The following NBPF9 variants were observed in gnomAD, a reference collection of about 807,000 sequenced individuals.
NBPF9 encodes the protein NBPF family member NBPF9.
A neutral mutation model predicts 97.8 loss-of-function variants in NBPF9; 91 were observed. That is an observed-to-expected ratio of 0.93 (90% confidence interval 0.79 to 1.11). NBPF9 has a LOEUF of 1.11. Among genes scored for constraint, NBPF9 ranks in the 50% least tolerant of loss-of-function variants. The pLI, the probability that NBPF9 is intolerant of heterozygous loss-of-function variation, is 0.00. For synonymous variants in NBPF9, 334 were observed against 359.5 expected, an observed-to-expected ratio of 0.93 and a Z score of 0.80; for missense variants, 992 against 939.5, an observed-to-expected ratio of 1.06 and a Z score of -0.73.
rs1247076476 is a variant in NBPF9, at chr1:149,082,875, G to T, written c.-194-445C>A. On this transcript the variant is annotated intron_variant, in intron 5 of 29. Transcript: ENST00000584027. ...GCTCACTGCAAGCTCTGCCTCCCAG[G>T]TTCACGCTATTCTCCTGCCTCAGAC... Among the ~76,000 whole-genome samples, 18 of 146,434 alleles carry T rather than the reference G, an allele frequency of 1.2e-4. No individual in the cohort carries two copies. The South Asian group carries it at 3.9e-3, about 32-fold the overall frequency.
chr1:149,055,595 A>T (rs61807990), exon 30 of NBPF9: 679,101 of 1,258,786 alleles, frequency 0.54, 228,944 homozygotes, highest in East Asian at 0.64. Flanking sequence ...TTCATTCAAA[A>T]CTTCACGTGC....
intron 27 of NBPF9, among the ~76,000 whole-genome samples, 197 bp from the exon 28 acceptor site, chr1:149,057,704 G>GAC (rs879952249): frequency 0.034 from 941 of 27,698 alleles, 11 homozygotes; most frequent in Middle Eastern, 0.075. Context: ...AAGACAGATA[G>GAC]ACACACACAC....
chr1:149,074,955 T>C (rs1176333588), intron 12 of NBPF9, among the ~76,000 whole-genome samples: 7 of 151,110 alleles, frequency 4.6e-5, no homozygotes, highest in African/African-American at 1.7e-4. Context: ...GTGATTACAG[T>C]CACCTGCCAC....
chr1:149,064,701 T>C (rs1195812261), intron 18 of NBPF9: 1 of 616,128 alleles, frequency 1.6e-6, no homozygotes, highest in Non-Finnish European at 2.9e-6. Flanking sequence ...GTTGGAATGT[T>C]ATCTTCCCTA....
At chr1:149,101,640 A>G (rs1264278430) in intron 2 of NBPF9, among the ~76,000 whole-genome samples, 16 of 150,850 alleles carry the variant, frequency 1.1e-4, no homozygotes, top group Middle Eastern at 3.4e-3. Context: ...TCTCAATACC[A>G]GGAAAATGCA....
Position 149,100,963 on chromosome 1 carries a change from A to C in NBPF9, c.-606+299T>G, listed in dbSNP as rs879963258. Among the ~76,000 whole-genome samples, 898 of 152,066 alleles carry C rather than the reference A, an allele frequency of 5.9e-3. 1 individual carries two copies. The highest frequency in any genetic ancestry group is 0.021 in the African/African-American group (859 of 41,488). ...AAAAAAAAAGAAATGCAAAAACTAA[A>C]ATAAAATTGCTATAAGGTTAACACA... On this transcript the variant is annotated intron_variant, in intron 3 of 29. Coordinates refer to ENST00000584027, the Ensembl canonical transcript of NBPF9.
rs369434237 is a variant in NBPF9 at position 149,074,809 on chromosome 1, C to CATT, written c.988+843_988+845dup. Among the ~76,000 whole-genome samples the CATT allele has an allele frequency of 1.2e-3, 185 of 149,670 alleles. 2 individuals carry two copies. The Middle Eastern group carries it at 0.021, about 17-fold the overall frequency. On this transcript the variant is annotated intron_variant, in intron 12 of 29. Transcript: ENST00000584027. ...TTTTATTCTTATTTTTATTTATCAT[C>CATT]ATTATTATTATTATTATTATTTTTA... is the stretch of plus-strand genomic sequence containing the variant.
intron 4 of NBPF9, among the ~76,000 whole-genome samples, chr1:149,096,175 T>C (rs71205772): frequency 4.8e-5 from 7 of 144,572 alleles, no homozygotes; most frequent in Middle Eastern, 7.3e-3. Context: ...AGTAGTAAAA[T>C]GATGAGTGGT....
intron 5 of NBPF9, among the ~76,000 whole-genome samples, chr1:149,084,426 T>A (rs1322407829): frequency 2.1e-5 from 3 of 145,826 alleles, no homozygotes; most frequent in Non-Finnish European, 4.5e-5. Context: ...TGTGTATATA[T>A]ATTATATATA....
intron 4 of NBPF9, among the ~76,000 whole-genome samples, chr1:149,095,642 G>C (rs1575878082): frequency 7.1e-6 from 1 of 141,230 alleles, no homozygotes; most frequent in South Asian, 2.2e-4. Flanking sequence ...AAAAAAAAAA[G>C]GTGAAAGATC....
chr1:149,090,654 A>G (rs1553659857), intron 5 of NBPF9, 99 bp downstream of exon 5: 1 of 588,260 alleles, frequency 1.7e-6, no homozygotes, highest in South Asian at 2.1e-5. Context: ...TCAGCTAAGC[A>G]TATGGGCTAG....
At position 149,070,811 on chromosome 1, in the gene NBPF9, T is replaced by G. The variant is rs587699363; in HGVS notation, c.1585+123A>C. Reference sequence around the variant, plus strand: ...CTGAGAAGGACAAAAAACTCCCTGATATCTGTTTAGAAACCCATCACAGTT... The same window carrying G: ...CTGAGAAGGACAAAAAACTCCCTGAGATCTGTTTAGAAACCCATCACAGTT... On this transcript the variant is annotated intron_variant, in intron 16 of 29. Transcript: ENST00000584027. 2.8e-3 allele frequency: 4,136 copies of G among 1,484,814 alleles called. 145 individuals are homozygous for G. The South Asian group carries it at 0.045, about 16-fold the overall frequency. The allele number at this position is 1,484,814 out of a possible 1,614,324, so 92.0% of individuals were successfully genotyped here.
chr1:149,097,210 T>C (rs1248672997), intron 4 of NBPF9, among the ~76,000 whole-genome samples: 2 of 149,122 alleles, frequency 1.3e-5, no homozygotes, highest in African/African-American at 4.9e-5. Flanking sequence ...AGGAAGGAAA[T>C]GAACAAATTT....
At position 149,103,334 on chromosome 1, in the gene NBPF9, G is replaced by C. The variant is rs187246257; in HGVS notation, c.-876C>G. The stretch of plus-strand genomic sequence containing the variant: ...CGCTGGGTGGACTTCGCTGTAAACC[G>C]TAACTTCCCATCCAGACGGCAGCCG... On this transcript the variant is annotated 5_prime_UTR_variant, in exon 1 of 30. The change creates a premature stop within an existing upstream ORF in the 5' untranslated region. Coordinates refer to ENST00000584027, the Ensembl canonical transcript of NBPF9. 2 of 152,014 alleles carry C rather than the reference G, an allele frequency of 1.3e-5. No individual in the cohort carries two copies. The highest frequency in any genetic ancestry group is 2.1e-4 in the South Asian group (1 of 4,812). The allele number at this position is 152,014 out of a possible 1,614,324, so 9.4% of individuals were successfully genotyped here.
chr1:149,080,750 T>A (rs1301444443), intron 7 of NBPF9, among the ~76,000 whole-genome samples: 1 of 99,394 alleles, frequency 1.0e-5, no homozygotes, highest in Non-Finnish European at 2.1e-5. Context: ...CATTAAGATT[T>A]AGATTCGTTG....
Position 149,071,147 on chromosome 1 carries a change from G to T in NBPF9, c.1380-8C>A, listed in dbSNP as rs587694711. 5 of 1,505,544 alleles carry T rather than the reference G, an allele frequency of 3.3e-6. No individual in the cohort carries two copies. In the East Asian group the frequency reaches 1.1e-4, roughly 34 times the overall value. 93.3% of individuals were successfully genotyped at this position (1,505,544 alleles called of 1,614,324 possible). A position where few individuals can be genotyped will look rare whatever the true frequency, so the allele number is the denominator to read the frequency against. On this transcript the variant is annotated splice_polypyrimidine_tract_variant and splice_region_variant and intron_variant, in intron 15 of 29. Coordinates refer to ENST00000584027, the Ensembl canonical transcript of NBPF9. Reference sequence around the variant, plus strand: ...TCAGCCTTCTGCATCTCCCTGATGAGCCAGGTGGGACAGAGATGACAGAAG... The same window carrying T: ...TCAGCCTTCTGCATCTCCCTGATGATCCAGGTGGGACAGAGATGACAGAAG...
intron 11 of NBPF9, among the ~76,000 whole-genome samples, chr1:149,076,993 C>T (rs1467810901): frequency 6.6e-6 from 1 of 150,912 alleles, no homozygotes; most frequent in Non-Finnish European, 1.5e-5. Flanking sequence ...ATGGGTTTCA[C>T]CATATTGTGT....
exon 30 of NBPF9, chr1:149,055,670 T>C (rs781878109): frequency 1.6e-5 from 26 of 1,611,826 alleles, no homozygotes; most frequent in Middle Eastern, 2.2e-4. Context: ...TGTGGGAATA[T>C]GACTTCCATC....
chr1:149,103,279 C>G (rs587698449), intron 1 of NBPF9, 22 bp downstream of exon 1: 1 of 151,480 alleles, frequency 6.6e-6, no homozygotes, highest in African/African-American at 2.4e-5. Flanking sequence ...ACCGCCCGCC[C>G]GGCCTGGCGC....
Sources: gnomAD v4.1 joint callset for allele counts (sites outside exome capture counted in the v4.1 genomes callset) on GRCh38, gnomAD v4.1.1 for gene constraint, MANE v1.5 for transcripts, NCBI Gene and HGNC (gene_info 2026-07-23, HGNC 2026-07-21) for gene names.